Variants in FGFR2 observed in about 807,000 individuals in gnomAD.
The protein encoded by FGFR2 is BEK fibroblast growth factor receptor.
FGFR2 carries 19 observed loss-of-function variants against 95.9 expected under a neutral mutation model. The observed-to-expected ratio is 0.20, with a 90% CI of 0.14 to 0.29. The LOEUF (loss-of-function observed/expected upper bound fraction) is 0.29. FGFR2 is among the 10% of genes least tolerant of loss of function. The pLI, the probability that FGFR2 is intolerant of heterozygous loss-of-function variation, is 1.00. For missense variants in FGFR2, 707 were observed against 1,056.9 expected (o/e 0.67, Z 4.59); for synonymous variants, 392 against 393.3 (o/e 1.00, Z 0.04).
At chr10:121,533,362 C>G (rs1039054320) in intron 6 of FGFR2, among the ~76,000 whole-genome samples, 1 of 152,174 alleles carries the variant, frequency 6.6e-6, no homozygotes, top group African/African-American at 2.4e-5. Context: ...TGTACTCCAG[C>G]CTGGGCAACA....
At position 121,517,565 on chromosome 10, in the gene FGFR2, G is replaced by A. The variant is rs1849858657; in HGVS notation, c.940-102C>T. The A allele has an allele frequency of 1.4e-6, 2 of 1,379,840 alleles. No homozygotes were observed. The highest frequency in any genetic ancestry group is 2.0e-6 in the Non-Finnish European group (2 of 982,578). The allele number at this position is 1,379,840 out of a possible 1,614,324, so 85.5% of individuals were successfully genotyped here. A position where few individuals can be genotyped will look rare whatever the true frequency, so the allele number is the denominator to read the frequency against. ...CGTCGCACCGGGGGCTTCAGGGGGT[G>A]CTGGCCACTGGGAGATTCCGACTGC... On this transcript the variant is annotated intron_variant, in intron 7 of 17. Transcript: ENST00000358487. This position sits in a 1 kb window ranked among gnomAD's most constrained non-coding sequence, Gnocchi z 4.7.
chr10:121,485,283 C>T lies in FGFR2; in HGVS notation c.2195+112G>A. The T allele has an allele frequency of 6.9e-7, 1 of 1,446,182 alleles. No homozygotes were observed. Among genetic ancestry groups the T allele is most frequent in the Non-Finnish European group, 9.7e-7 (1 of 1,030,680 alleles). 89.6% of individuals were successfully genotyped at this position (1,446,182 alleles called of 1,614,324 possible). ...AGCCCAGAGAGCTTCAGCCATTCTT[C>T]TTAGAGCATGTTTAGGAAACCAGGG... On this transcript the variant is annotated intron_variant, in intron 16 of 17. Coordinates refer to ENST00000358487, the MANE Select transcript of FGFR2 (RefSeq NM_000141.5). The surrounding 1 kb of genome is among the most constrained non-coding windows in gnomAD (Gnocchi z 4.2).
Position 121,598,292 on chromosome 10 carries a change from C to T in FGFR2, c.-481G>A. On this transcript the variant is annotated 5_prime_UTR_variant, in exon 1 of 18. Coordinates refer to ENST00000358487, the MANE Select transcript of FGFR2 (RefSeq NM_000141.5). The stretch of plus-strand genomic sequence containing the variant: ...GCGGCCTCGGGGCCCCCGGGGCTCG[C>T]GGCCGGCCCCCGCCAGCCCGGAGAG... The T allele has an allele frequency of 2.7e-6, 1 of 370,742 alleles. No individual in the cohort carries two copies. Among genetic ancestry groups the T allele is most frequent in the Non-Finnish European group, 4.8e-6 (1 of 208,024 alleles). 23.0% of individuals were successfully genotyped at this position (370,742 alleles called of 1,614,324 possible).
chr10:121,522,168 TAA>T (rs1219388246), intron 6 of FGFR2, among the ~76,000 whole-genome samples: 4 of 152,174 alleles, frequency 2.6e-5, no homozygotes, highest in African/African-American at 4.8e-5. Context: ...TCAAGAGGCA[TAA>T]AGTTTCAGTA....
At chr10:121,496,369 C>T (rs140078722) in intron 13 of FGFR2, among the ~76,000 whole-genome samples, 163 bp downstream of exon 13, 1 of 152,222 alleles carries the variant, frequency 6.6e-6, no homozygotes, top group African/African-American at 2.4e-5. Context: ...TGGTTTTAAA[C>T]AGTTCATTAA....
chr10:121,575,220 A>T (rs1859529224), intron 2 of FGFR2, among the ~76,000 whole-genome samples: 1 of 152,244 alleles, frequency 6.6e-6, no homozygotes, highest in South Asian at 2.1e-4. Context: ...ATTGTTGCCC[A>T]TGAGAAAATA....
intron 5 of FGFR2, among the ~76,000 whole-genome samples, chr10:121,542,931 C>G (rs936870993): frequency 1.3e-5 from 2 of 152,160 alleles, no homozygotes; most frequent in Non-Finnish European, 2.9e-5. Context: ...AGGCTGTCAC[C>G]TGGATATTTA....
chr10:121,515,177 G>A lies in FGFR2; in HGVS notation c.1227C>T (p.Phe409=), dbSNP rs2134223194. 1 of 1,614,202 alleles carries A rather than the reference G, an allele frequency of 6.2e-7. No individual in the cohort carries two copies. The highest frequency in any genetic ancestry group is 8.5e-7 in the Non-Finnish European group (1 of 1,180,040). ...RMKNTTKKPD[F]SSQPAVHKLT... is the part of the protein sequence containing the mutation. ...GCTTGTGCACAGCCGGCTGGCTGCT[G>A]AAGTCTGGCTTCTTGGTCGTGTTCT... is the stretch of plus-strand genomic sequence containing the variant. Residue 409 remains phenylalanine, a synonymous_variant, in exon 9 of 18, where the codon TTC becomes TTT. Transcript: ENST00000358487.
intron 2 of FGFR2, among the ~76,000 whole-genome samples, chr10:121,584,946 C>T (rs533774970): frequency 2.4e-4 from 35 of 148,582 alleles, no homozygotes; most frequent in African/African-American, 8.0e-4. Context: ...CCACCCCAAC[C>T]GATCCCATAA....
At chr10:121,572,762 G>A (rs1476250015) in intron 2 of FGFR2, among the ~76,000 whole-genome samples, 1 of 152,200 alleles carries the variant, frequency 6.6e-6, no homozygotes, top group African/African-American at 2.4e-5. Flanking sequence ...TAGGACCTCT[G>A]ACTGGGGAGA....
chr10:121,577,390 G>A (rs925438774), intron 2 of FGFR2, among the ~76,000 whole-genome samples: 12 of 151,480 alleles, frequency 7.9e-5, no homozygotes, highest in African/African-American at 2.4e-4. Flanking sequence ...TCACTCCTCC[G>A]CTAAACAGGA....
At chr10:121,582,631 C>G (rs1466367303) in intron 2 of FGFR2, among the ~76,000 whole-genome samples, 2 of 151,938 alleles carry the variant, frequency 1.3e-5, no homozygotes, top group African/African-American at 2.4e-5. Context: ...ACTAAAAATA[C>G]AATTAGCCGG....
At chr10:121,561,668 G>A (rs1264027891) in intron 4 of FGFR2, among the ~76,000 whole-genome samples, 1 of 152,014 alleles carries the variant, frequency 6.6e-6, no homozygotes, top group Non-Finnish European at 1.5e-5. Context: ...AACACCAAAG[G>A]CACCATCCAT....
In FGFR2 at chr10:121,479,974, G is replaced by A. The variant is rs1010481270; in HGVS notation, c.2349C>T (p.Tyr783=). 1 of 1,614,188 alleles carries A rather than the reference G, an allele frequency of 6.2e-7. No individual in the cohort carries two copies. Among genetic ancestry groups the A allele is most frequent in the Non-Finnish European group, 8.5e-7 (1 of 1,180,046 alleles). ...AAGAACAAGAACTTCTTGTGTCAGG[G>A]TAACTAGGTGAATACTGTTCGAGAG... ...SQPLEQYSPS[Y]PDTRSSCSSG... The change falls in exon 18 of 18, where the codon TAC becomes TAT. Residue 783 remains tyrosine, a synonymous_variant. Coordinates refer to ENST00000358487, the MANE Select transcript of FGFR2 (RefSeq NM_000141.5).
intron 2 of FGFR2, among the ~76,000 whole-genome samples, chr10:121,572,709 T>C (rs1191938310): frequency 6.6e-6 from 1 of 152,210 alleles, no homozygotes; most frequent in East Asian, 1.9e-4. Flanking sequence ...TGACCTGGCC[T>C]TCCTTCCCTA....
chr10:121,504,491 G>A (rs928779768), intron 9 of FGFR2, among the ~76,000 whole-genome samples: 4 of 152,092 alleles, frequency 2.6e-5, no homozygotes, highest in Admixed American at 6.5e-5. Context: ...CAGTAGCTCC[G>A]AGTCCCTTTA....
At chr10:121,564,741 T>C (rs929629748) in intron 3 of FGFR2, among the ~76,000 whole-genome samples, 162 bp from the exon 4 acceptor site, 4 of 152,148 alleles carry the variant, frequency 2.6e-5, no homozygotes, top group Non-Finnish European at 4.4e-5. Flanking sequence ...TGGCTTAAAT[T>C]TTCCCTCCAT....
At chr10:121,579,204 C>A (rs1860431301) in intron 2 of FGFR2, among the ~76,000 whole-genome samples, 1 of 152,168 alleles carries the variant, frequency 6.6e-6, no homozygotes, top group African/African-American at 2.4e-5. Flanking sequence ...TCAAAGGCTG[C>A]CTAGGAAGGC....
At chr10:121,541,786 AAATAAAAGATTCC>A (rs149482206) in intron 5 of FGFR2, among the ~76,000 whole-genome samples, 1,993 of 152,350 alleles carry the variant, frequency 0.013, 47 homozygotes, top group African/African-American at 0.046. Context: ...ATGTGTAGGG[AAATAAAAGATTCC>A]AATTGAGAAT....
Sources: allele counts gnomAD v4.1 joint callset (sites outside exome capture counted in the v4.1 genomes callset), GRCh38; gene constraint gnomAD v4.1.1; non-coding constraint Gnocchi (gnomAD v3.1); transcripts MANE v1.5; gene names NCBI Gene and HGNC (gene_info 2026-07-23, HGNC 2026-07-21).